The following KRTAP13-2 variants were observed in gnomAD, a reference collection of about 807,000 sequenced individuals.
KRTAP13-2 encodes keratin-associated protein 13-2.
For synonymous variants in KRTAP13-2, 92 were observed against 87.4 expected, an observed-to-expected ratio of 1.05 and a Z score of -0.30; for missense variants, 231 against 212.4, an observed-to-expected ratio of 1.09 and a Z score of -0.55.
rs1231008279 is a variant in KRTAP13-2, at chr21:30,372,206, T to C, written c.8A>G (p.Tyr3Cys). Reference sequence around the variant, plus strand: ...GGAGAAGTTTCCAGAGCAGCAGTTGTAGGACATGTTGACGGGAGATGTGAG... The same window carrying C: ...GGAGAAGTTTCCAGAGCAGCAGTTGCAGGACATGTTGACGGGAGATGTGAG... Reference protein sequence around the residue: MSYNCCSGNFSSR... With the variant: MSCNCCSGNFSSR... The change falls in exon 1 of 1, where the codon TAC becomes TGC. Residue 3 changes from tyrosine to cysteine, a missense_variant. Coordinates refer to ENST00000399889, the MANE Select transcript of KRTAP13-2 (RefSeq NM_181621.4). 3 of 1,611,408 alleles carry C rather than the reference T, an allele frequency of 1.9e-6. No individual in the cohort carries two copies. The Admixed American group carries it at 5.0e-5, about 27-fold the overall frequency.
rs762322968 is a variant in KRTAP13-2, at chr21:30,372,210, A to G, written c.4T>C (p.Ser2Pro). 3.7e-6 allele frequency: 6 copies of G among 1,610,780 alleles called. No homozygotes were observed. Among genetic ancestry groups the G allele is most frequent in the East Asian group, 4.5e-5 (2 of 44,830 alleles). M[S>P]YNCCSGNFSS... ...AAGTTTCCAGAGCAGCAGTTGTAGG[A>G]CATGTTGACGGGAGATGTGAGTTCA... The change falls in exon 1 of 1, where the codon TCC becomes CCC. Residue 2 changes from serine (S) to proline (P), a missense_variant. Coordinates refer to ENST00000399889, the MANE Select transcript of KRTAP13-2 (RefSeq NM_181621.4).
rs1392255395 is a variant in KRTAP13-2, at chr21:30,371,747, C to A, written c.467G>T (p.Ser156Ile). 6.2e-7 allele frequency: 1 copy of A among 1,614,016 alleles called. No individual in the cohort carries two copies. Reference sequence around the variant, plus strand: ...TGGTCTGTAACAAGGAGACTGGCAGCTCCTAGAAGCCAAGTAGGTTGGGCG... The same window carrying A: ...TGGTCTGTAACAAGGAGACTGGCAGATCCTAGAAGCCAAGTAGGTTGGGCG... ...FCRPTYLASR[S>I]CQSPCYRPAY... Residue 156 changes from serine to isoleucine, a missense_variant, in exon 1 of 1, where the codon AGC becomes ATC. Transcript: ENST00000399889.
rs1393957412 is a variant in KRTAP13-2, at chr21:30,371,780, C to A, written c.434G>T (p.Gly145Val). The A allele has an allele frequency of 6.2e-7, 1 of 1,614,164 alleles. No individual in the cohort carries two copies. Among genetic ancestry groups the A allele is most frequent in the Non-Finnish European group, 8.5e-7 (1 of 1,180,022 alleles). ...AGCCAAGTAGGTTGGGCGGCAGAAT[C>A]CAGATCCATAGCCGAGGGAAGGGAA... ...CGFPSLGYGS[G>V]FCRPTYLASR... Residue 145 changes from glycine to valine, a missense_variant, in exon 1 of 1, where the codon GGA (glycine) becomes GTA (valine). Gly to Val is a moderately radical substitution (Grantham distance 109). Transcript: ENST00000399889.
chr21:30,371,818 A>C, the KRTAP13-2 span: 2 of 1,614,118 alleles, frequency 1.2e-6, no homozygotes, highest in Non-Finnish European at 1.7e-6. Flanking sequence ...CACAGCTTCC[A>C]TAACCCAGGG....
chr21:30,371,796 G>A lies in KRTAP13-2; in HGVS notation c.418C>T (p.Leu140Phe), dbSNP rs770596501. 1 of 1,614,108 alleles carries A rather than the reference G, an allele frequency of 6.2e-7. No homozygotes were observed. The highest frequency in any genetic ancestry group is 8.5e-7 in the Non-Finnish European group (1 of 1,179,980). Residue 140 changes from leucine to phenylalanine, a missense_variant, in exon 1 of 1, where the codon CTC becomes TTC. Physicochemically the swap from Leu to Phe is conservative, Grantham distance 22 (BLOSUM62 0). Transcript: ENST00000399889. ...CGGCAGAATCCAGATCCATAGCCGA[G>A]GGAAGGGAAGCCACAGCTTCCATAA... ...LGYGSCGFPS[L>F]GYGSGFCRPT...
In KRTAP13-2 at chr21:30,371,970, G is replaced by A. The variant is rs1053310564; in HGVS notation, c.244C>T (p.Arg82Cys). 1.1e-5 allele frequency: 17 copies of A among 1,614,076 alleles called. No individual in the cohort carries two copies. The highest frequency in any genetic ancestry group is 2.2e-5 in the South Asian group (2 of 91,090). ...CTGCAGAGCAAGGAGGTTCTGGGGC[G>A]GTAGCAGGAGGTCTGGCAGGGGCTG... The part of the protein sequence containing the change: ...ESSPCQTSCY[R>C]PRTSLLCSPC... Residue 82 changes from arginine (R) to cysteine (C), a missense_variant, in exon 1 of 1, where the codon CGC becomes TGC. Physicochemically the swap from Arg to Cys is radical, Grantham distance 180. Transcript: ENST00000399889.
In KRTAP13-2 at chr21:30,372,246, A is replaced by G. The variant is rs1982928845; in HGVS notation, c.-33T>C. On this transcript the variant is annotated 5_prime_UTR_variant, in exon 1 of 1. Coordinates refer to ENST00000399889, the MANE Select transcript of KRTAP13-2 (RefSeq NM_181621.4). ...GGAGATGTGAGTTCAGCTGAGTTATAGTGGAAAGATTCTCTGAGTTTGAAT... is the reference window on the plus strand; with the variant it reads ...GGAGATGTGAGTTCAGCTGAGTTATGGTGGAAAGATTCTCTGAGTTTGAAT... 6.3e-7 allele frequency: 1 copy of G among 1,585,028 alleles called. No homozygotes were observed. Among genetic ancestry groups the G allele is most frequent in the Admixed American group, 1.7e-5 (1 of 57,942 alleles).
In KRTAP13-2 at chr21:30,372,037, G is replaced by A. The variant is rs1295214541; in HGVS notation, c.177C>T (p.Ile59=). Residue 59 remains isoleucine, a synonymous_variant, in exon 1 of 1, where the codon ATC becomes ATT. Coordinates refer to ENST00000399889, the MANE Select transcript of KRTAP13-2 (RefSeq NM_181621.4). ...GSSLYRGCQE[I]CWEPTSCQTS... ...TCTGGCAGCTGGTGGGCTCCCAGCA[G>A]ATCTCCTGACAGCCCCTATAGAGAG... 2 of 1,614,090 alleles carry A rather than the reference G, an allele frequency of 1.2e-6. No individual in the cohort carries two copies. The highest frequency in any genetic ancestry group is 1.7e-6 in the Non-Finnish European group (2 of 1,180,044).
rs879690207 is a variant in KRTAP13-2 at position 30,372,043 on chromosome 21, C to A, written c.171G>T (p.Gln57His). The change falls in exon 1 of 1, where the codon CAG becomes CAT. Residue 57 changes from glutamine to histidine, a missense_variant. Gln to His is a conservative substitution (Grantham distance 24). Transcript: ENST00000399889. ...AGCTGGTGGGCTCCCAGCAGATCTC[C>A]TGACAGCCCCTATAGAGAGAGGAAC... ...QLGSSLYRGC[Q>H]EICWEPTSCQ... is the part of the protein sequence containing the mutation. 3 of 1,614,042 alleles carry A rather than the reference C, an allele frequency of 1.9e-6. No individual in the cohort carries two copies. Among genetic ancestry groups the A allele is most frequent in the Admixed American group, 3.3e-5 (2 of 59,998 alleles).
rs772575000 is a variant in KRTAP13-2, at chr21:30,372,120, T to C, written c.94A>G (p.Ser32Gly). ...PASSRGFSYP[S>G]NLVYSTDLCS... Reference sequence around the variant, plus strand: ...AGGTCAGTGCTGTAGACCAGATTGCTGGGGTAGGAAAAGCCACGTGAGGAT... The same window carrying C: ...AGGTCAGTGCTGTAGACCAGATTGCCGGGGTAGGAAAAGCCACGTGAGGAT... Residue 32 changes from serine to glycine, a missense_variant, in exon 1 of 1, where the codon AGC becomes GGC. Coordinates refer to ENST00000399889, the MANE Select transcript of KRTAP13-2 (RefSeq NM_181621.4). 18 of 1,613,996 alleles carry C rather than the reference T, an allele frequency of 1.1e-5. 1 individual carries two copies. The South Asian group carries it at 1.6e-4, about 15-fold the overall frequency.
chr21:30,372,194 G>T lies in KRTAP13-2; in HGVS notation c.20C>A (p.Ser7Tyr). The part of the protein sequence containing the change: MSYNCC[S>Y]GNFSSRSCGD... The stretch of plus-strand genomic sequence containing the variant: ...ACAGGAGCGGGAGGAGAAGTTTCCA[G>T]AGCAGCAGTTGTAGGACATGTTGAC... Residue 7 changes from serine to tyrosine, a missense_variant, in exon 1 of 1, where the codon TCT becomes TAT. Coordinates refer to ENST00000399889, the MANE Select transcript of KRTAP13-2 (RefSeq NM_181621.4). The T allele has an allele frequency of 6.2e-7, 1 of 1,613,478 alleles. No homozygotes were observed. The highest frequency in any genetic ancestry group is 2.2e-5 in the East Asian group (1 of 44,872).
rs755365119 is a variant in KRTAP13-2, at chr21:30,371,891, C to A, written c.323G>T (p.Arg108Leu). 7.4e-6 allele frequency: 12 copies of A among 1,614,150 alleles called. No individual in the cohort carries two copies. The highest frequency in any genetic ancestry group is 1.3e-5 in the African/African-American group (1 of 75,014). The stretch of plus-strand genomic sequence containing the variant: ...GCTCCTCGATCCATAGCCCAGGGAG[C>A]GGCAGCTGCTGGATCCAAAGCCTAG... Reference protein sequence around the residue: ...GSLGFGSSSCRSLGYGSRSCY... With the variant: ...GSLGFGSSSCLSLGYGSRSCY... The change falls in exon 1 of 1, where the codon CGC (arginine) becomes CTC (leucine). Residue 108 changes from arginine (R) to leucine (L), a missense_variant. By Grantham distance (102) the Arg-to-Leu change is moderately radical (BLOSUM62 -2). Transcript: ENST00000399889.
rs766217527 is a variant in KRTAP13-2, at chr21:30,371,771, C to T, written c.443G>A (p.Arg148His). The T allele has an allele frequency of 1.3e-5, 21 of 1,613,944 alleles. No individual in the cohort carries two copies. In the East Asian group the frequency reaches 1.8e-4, roughly 14 times the overall value. Residue 148 changes from arginine (R) to histidine (H), a missense_variant, in exon 1 of 1, where the codon CGC becomes CAC. Coordinates refer to ENST00000399889, the MANE Select transcript of KRTAP13-2 (RefSeq NM_181621.4). ...PSLGYGSGFC[R>H]PTYLASRSCQ... The stretch of plus-strand genomic sequence containing the variant: ...GCTCCTAGAAGCCAAGTAGGTTGGG[C>T]GGCAGAATCCAGATCCATAGCCGAG...
At position 30,371,775 on chromosome 21, in the gene KRTAP13-2, A is replaced by G; in HGVS notation, c.439T>C (p.Cys147Arg). Residue 147 changes from cysteine to arginine, a missense_variant, in exon 1 of 1, where the codon TGC becomes CGC. Cys to Arg is a radical substitution (Grantham distance 180). Transcript: ENST00000399889. ...CTAGAAGCCAAGTAGGTTGGGCGGC[A>G]GAATCCAGATCCATAGCCGAGGGAA... is the stretch of plus-strand genomic sequence containing the variant. ...FPSLGYGSGF[C>R]RPTYLASRSC... 1 of 1,614,190 alleles carries G rather than the reference A, an allele frequency of 6.2e-7. No homozygotes were observed. The highest frequency in any genetic ancestry group is 8.5e-7 in the Non-Finnish European group (1 of 1,180,022).
In KRTAP13-2 at chr21:30,371,957, G is replaced by A. The variant is rs775380232; in HGVS notation, c.257C>T (p.Ser86Phe). 1.2e-6 allele frequency: 2 copies of A among 1,614,214 alleles called. No homozygotes were observed. Among genetic ancestry groups the A allele is most frequent in the East Asian group, 4.5e-5 (2 of 44,876 alleles). ...CGTCTTGCAAGGACTGCAGAGCAAG[G>A]AGGTTCTGGGGCGGTAGCAGGAGGT... is the stretch of plus-strand genomic sequence containing the variant. ...CQTSCYRPRT[S>F]LLCSPCKTTY... is the part of the protein sequence containing the mutation. Residue 86 changes from serine to phenylalanine, a missense_variant, in exon 1 of 1, where the codon TCC becomes TTC. Ser to Phe is a radical substitution (Grantham distance 155, BLOSUM62 -2). Transcript: ENST00000399889.
Position 30,371,870 on chromosome 21 carries a change from C to T in KRTAP13-2, c.344G>A (p.Arg115Lys), listed in dbSNP as rs1982909993. ...SSCRSLGYGS[R>K]SCYSVGCGSS... ...CCCACAGCCCACTGAGTAGCAGCTC[C>T]TCGATCCATAGCCCAGGGAGCGGCA... Residue 115 changes from arginine (R) to lysine (K), a missense_variant, in exon 1 of 1, where the codon AGG (arginine) becomes AAG (lysine). Physicochemically the swap from Arg to Lys is conservative, Grantham distance 26. Transcript: ENST00000399889. The T allele has an allele frequency of 6.2e-7, 1 of 1,614,042 alleles. No individual in the cohort carries two copies. The highest frequency in any genetic ancestry group is 1.7e-5 in the Admixed American group (1 of 60,000).
At position 30,371,992 on chromosome 21, in the gene KRTAP13-2, G is replaced by C. The variant is rs3804010; in HGVS notation, c.222C>G (p.Ser74Arg). 179,522 of 1,614,040 alleles carry C rather than the reference G, an allele frequency of 0.11. 11,638 individuals are homozygous for C. The highest frequency in any genetic ancestry group is 0.27 in the African/African-American group (20,344 of 74,988). ...GGCGGTAGCAGGAGGTCTGGCAGGG[G>C]CTGGACTCCACATAGGACGTCTGGC... ...TSCQTSYVES[S>R]PCQTSCYRPR... is the part of the protein sequence containing the mutation. The change falls in exon 1 of 1, where the codon AGC becomes AGG. Residue 74 changes from serine to arginine, a missense_variant. Ser to Arg is a moderately radical substitution (Grantham distance 110). Coordinates refer to ENST00000399889, the MANE Select transcript of KRTAP13-2 (RefSeq NM_181621.4).
rs1039571242 is a variant in KRTAP13-2 at position 30,371,463 on chromosome 21, C to A, written c.*223G>T. The A allele has an allele frequency of 3.8e-6, 2 of 529,522 alleles. No individual in the cohort carries two copies. Among genetic ancestry groups the A allele is most frequent in the Admixed American group, 3.4e-5 (1 of 29,046 alleles). 32.8% of individuals were successfully genotyped at this position (529,522 alleles called of 1,614,324 possible). ...CCATATACTTTATAAGATGAACTTA[C>A]GTGATAACGAATCACTTGTTTCAAA... On this transcript the variant is annotated 3_prime_UTR_variant, in exon 1 of 1. Transcript: ENST00000399889.
At position 30,371,639 on chromosome 21, in the gene KRTAP13-2, C is replaced by T. The variant is rs776008011; in HGVS notation, c.*47G>A. 2 of 1,556,802 alleles carry T rather than the reference C, an allele frequency of 1.3e-6. No homozygotes were observed. Among genetic ancestry groups the T allele is most frequent in the Non-Finnish European group, 1.7e-6 (2 of 1,146,396 alleles). ...ACATTGCTGGAAATGCCTATGATAA[C>T]AGCTCTACGTAGAGACTGAGACACT... On this transcript the variant is annotated 3_prime_UTR_variant, in exon 1 of 1. Coordinates refer to ENST00000399889, the MANE Select transcript of KRTAP13-2 (RefSeq NM_181621.4).
Sources: allele counts gnomAD v4.1 joint callset, GRCh38; gene constraint gnomAD v4.1.1; transcripts MANE v1.5; gene names NCBI Gene and HGNC (gene_info 2026-07-23, HGNC 2026-07-21).